Variants in SHROOM1 observed in about 807,000 individuals in gnomAD.
The protein encoded by SHROOM1 is shroom family member 1, also known as protein Shroom1.
Under a neutral mutation model 64.2 loss-of-function variants are expected in SHROOM1, and 53 were observed. The ratio of observed to expected loss-of-function variants is 0.83; its 90% CI spans 0.66 to 1.04. SHROOM1 has a LOEUF of 1.04. Ranked by LOEUF, SHROOM1 falls within the 50% of genes least tolerant of loss-of-function variation. The pLI, the probability that SHROOM1 is intolerant of heterozygous loss-of-function variation, is 0.00. For synonymous variants in SHROOM1, 490 were observed against 518.9 expected (o/e 0.94, Z 0.76); for missense variants, 1,179 against 1,163.2 (o/e 1.01, Z -0.20).
Position 132,823,026 on chromosome 5 carries a change from G to C in SHROOM1, c.2329C>G (p.Leu777Val), listed in dbSNP as rs769112067. 1.9e-6 allele frequency: 3 copies of C among 1,600,982 alleles called. No homozygotes were observed. Among genetic ancestry groups the C allele is most frequent in the Non-Finnish European group, 2.5e-6 (3 of 1,179,174 alleles). The stretch of plus-strand genomic sequence containing the variant: ...TCCTCCACCGGTAGTGCTCGCACCA[G>C]CACCTCCCGCACGGCCCGCTCGCGC... ...ARRERAVREV[L>V]VRALPVEELR... is the part of the protein sequence containing the mutation. The change falls in exon 10 of 10, where the codon CTG becomes GTG. Residue 777 changes from leucine to valine, a missense_variant. By Grantham distance (32) the Leu-to-Val change is conservative. Transcript: ENST00000378679. This position sits in a 1 kb window ranked among gnomAD's most constrained non-coding sequence, Gnocchi z 4.6.
chr5:132,829,957 C>A, intron 1 of SHROOM1: 1 of 985,484 alleles, frequency 1.0e-6, no homozygotes, highest in Non-Finnish European at 1.2e-6. Flanking sequence ...GAGCTCCGTG[C>A]CATGCACAGG....
At chr5:132,829,963 A>T (rs1758799875) in intron 1 of SHROOM1, 1 of 985,452 alleles carries the variant, frequency 1.0e-6, no homozygotes, top group Non-Finnish European at 1.2e-6. Context: ...CGTGCCATGC[A>T]CAGGAAATGC....
At position 132,824,252 on chromosome 5, in the gene SHROOM1, G is replaced by A. The variant is rs140682483; in HGVS notation, c.1409C>T (p.Thr470Ile). The A allele has an allele frequency of 1.9e-6, 3 of 1,614,014 alleles. No individual in the cohort carries two copies. The highest frequency in any genetic ancestry group is 2.5e-6 in the Non-Finnish European group (3 of 1,179,978). Residue 470 changes from threonine (T) to isoleucine (I), a missense_variant, in exon 7 of 10, where the codon ACC becomes ATC. Physicochemically the swap from Thr to Ile is moderately conservative, Grantham distance 89 (BLOSUM62 -1). Transcript: ENST00000378679. Reference protein sequence around the residue: ...SVGISRPTSHTPTGTANDNIP... With the variant: ...SVGISRPTSHIPTGTANDNIP... The stretch of plus-strand genomic sequence containing the variant: ...GTTATCATTTGCAGTCCCAGTGGGG[G>A]TGTGGCTTGTGGGCCTGGAAATACC...
Position 132,825,319 on chromosome 5 carries a change from T to A in SHROOM1, c.822A>T (p.Gly274=). 6.2e-7 allele frequency: 1 copy of A among 1,608,806 alleles called. No individual in the cohort carries two copies. Among genetic ancestry groups the A allele is most frequent in the Non-Finnish European group, 8.5e-7 (1 of 1,179,638 alleles). ...CTTGGGGTTGCGTCTCGGGCAGCCA[T>A]CCGACCTCGTGATCTTCAAACTTAG... The part of the protein sequence containing the change: ...ALAKFEDHEV[G]WLPETQPQGS... The change falls in exon 4 of 10, where the codon GGA becomes GGT. Residue 274 remains glycine (G), a synonymous_variant. Coordinates refer to ENST00000378679, the MANE Select transcript of SHROOM1 (RefSeq NM_001172700.2). This position sits in a 1 kb window ranked among gnomAD's most constrained non-coding sequence, Gnocchi z 5.1.
In SHROOM1 at chr5:132,826,401, G is replaced by A; in HGVS notation, c.-167C>T. 1 of 653,824 alleles carries A rather than the reference G, an allele frequency of 1.5e-6. No individual in the cohort carries two copies. The allele number at this position is 653,824 out of a possible 1,614,324, so 40.5% of individuals were successfully genotyped here. ...CCAGGGAGCACCTCTGAAGGTTGAG[G>A]GCCCAGCTCAGGGGAAGGAATTGGG... On this transcript the variant is annotated 5_prime_UTR_variant, in exon 3 of 10. Coordinates refer to ENST00000378679, the MANE Select transcript of SHROOM1 (RefSeq NM_001172700.2).
In SHROOM1 at chr5:132,824,776, T is replaced by C; in HGVS notation, c.1080A>G (p.Leu360=). The change falls in exon 6 of 10, where the codon TTA becomes TTG. Residue 360 remains leucine, a synonymous_variant. Coordinates refer to ENST00000378679, the MANE Select transcript of SHROOM1 (RefSeq NM_001172700.2). ...KEAAVMYPAE[L]PQSSPADSEQ... The stretch of plus-strand genomic sequence containing the variant: ...CACTGTCAGCAGGGCTGCTCTGGGG[T>C]AACTCTGCAGGATACATCACCGCAG... 6.2e-7 allele frequency: 1 copy of C among 1,614,022 alleles called. No homozygotes were observed. The highest frequency in any genetic ancestry group is 8.5e-7 in the Non-Finnish European group (1 of 1,180,022).
At position 132,824,428 on chromosome 5, in the gene SHROOM1, A is replaced by T; in HGVS notation, c.1242-9T>A. 4 of 1,526,226 alleles carry T rather than the reference A, an allele frequency of 2.6e-6. No individual in the cohort carries two copies. The highest frequency in any genetic ancestry group is 3.5e-6 in the Non-Finnish European group (4 of 1,139,242). The allele number at this position is 1,526,226 out of a possible 1,614,324, so 94.5% of individuals were successfully genotyped here. Reference sequence around the variant, plus strand: ...GGTCAGAGGCATGGACACTGGAAGCAGAAAAGACACTGAATCAGAAAAAGC... The same window carrying T: ...GGTCAGAGGCATGGACACTGGAAGCTGAAAAGACACTGAATCAGAAAAAGC... On this transcript the variant is annotated splice_polypyrimidine_tract_variant and intron_variant, in intron 6 of 9. Transcript: ENST00000378679.
intron 1 of SHROOM1, chr5:132,829,574 C>T (rs1450091925): frequency 1.0e-6 from 1 of 985,296 alleles, no homozygotes; most frequent in African/African-American, 1.7e-5. Context: ...GCCTCAAATA[C>T]AACGAATGAT....
rs745788685 is a variant in SHROOM1 at position 132,825,400 on chromosome 5, G to A, written c.741C>T (p.Cys247=). ...GPARECLGEA[C]SSSGLPGPEP... ...CGGGCCCAGGGAGGCCAGAGCTGGA[G>A]CAGGCCTCACCCAGGCATTCCCGCG... The change falls in exon 4 of 10, where the codon TGC becomes TGT. Residue 247 remains cysteine (C), a synonymous_variant. Coordinates refer to ENST00000378679, the MANE Select transcript of SHROOM1 (RefSeq NM_001172700.2). The surrounding 1 kb of genome is among the most constrained non-coding windows in gnomAD (Gnocchi z 5.1). 2 of 1,596,440 alleles carry A rather than the reference G, an allele frequency of 1.3e-6. No homozygotes were observed. The highest frequency in any genetic ancestry group is 1.7e-6 in the Non-Finnish European group (2 of 1,178,540).
Position 132,823,453 on chromosome 5 carries a change from C to G in SHROOM1, c.2023G>C (p.Glu675Gln). 1 of 1,612,356 alleles carries G rather than the reference C, an allele frequency of 6.2e-7. No individual in the cohort carries two copies. The highest frequency in any genetic ancestry group is 8.5e-7 in the Non-Finnish European group (1 of 1,179,792). ...TGGCGCCTGGCCCACGCTTGTGCCT[C>G]CCCCTGCAGCCGCTCCTGCTCCGTG... ...LHTEQERLQG[E>Q]AQAWARRQAA... The change falls in exon 9 of 10, where the codon GAG (glutamate) becomes CAG (glutamine). Residue 675 changes from glutamate (E) to glutamine (Q), a missense_variant. By Grantham distance (29) the Glu-to-Gln change is conservative. Transcript: ENST00000378679. The surrounding 1 kb of genome is among the most constrained non-coding windows in gnomAD (Gnocchi z 4.6).
intron 1 of SHROOM1, among the ~76,000 whole-genome samples, chr5:132,827,863 C>T (rs1490239511): frequency 1.3e-5 from 2 of 152,144 alleles, no homozygotes; most frequent in Non-Finnish European, 2.9e-5. Context: ...ACGAACAGAG[C>T]AGGCAAGCAC....
chr5:132,825,305 G>A lies in SHROOM1; in HGVS notation c.836C>T (p.Thr279Met), dbSNP rs559805393. The A allele has an allele frequency of 1.4e-5, 23 of 1,611,496 alleles. No homozygotes were observed. The highest frequency in any genetic ancestry group is 3.3e-5 in the Admixed American group (2 of 59,938). Reference protein sequence around the residue: ...EDHEVGWLPETQPQGSMNLDS... With the variant: ...EDHEVGWLPEMQPQGSMNLDS... ...CAGGTTCATGGAGCCTTGGGGTTGC[G>A]TCTCGGGCAGCCATCCGACCTCGTG... is the stretch of plus-strand genomic sequence containing the variant. The change falls in exon 4 of 10, where the codon ACG becomes ATG. Residue 279 changes from threonine to methionine, a missense_variant. Transcript: ENST00000378679. This position sits in a 1 kb window ranked among gnomAD's most constrained non-coding sequence, Gnocchi z 5.1.
In SHROOM1 at chr5:132,825,653, A is replaced by C; in HGVS notation, c.488T>G (p.Leu163Arg). 1 of 1,352,938 alleles carries C rather than the reference A, an allele frequency of 7.4e-7. No individual in the cohort carries two copies. The highest frequency in any genetic ancestry group is 1.9e-5 in the South Asian group (1 of 52,274). The allele number at this position is 1,352,938 out of a possible 1,614,324, so 83.8% of individuals were successfully genotyped here. A position where few individuals can be genotyped will look rare whatever the true frequency, so the allele number is the denominator to read the frequency against. The change falls in exon 4 of 10, where the codon CTC (leucine) becomes CGC (arginine). Residue 163 changes from leucine (L) to arginine (R), a missense_variant. By Grantham distance (102) the Leu-to-Arg change is moderately radical (BLOSUM62 -2). Transcript: ENST00000378679. The surrounding 1 kb of genome is among the most constrained non-coding windows in gnomAD (Gnocchi z 5.1). ...LRETSFQRKE[L>R]RMSLPARLRP... ...CAGACGGGCGGGCAGGCTCATGCGG[A>C]GCTCCTTGCGCTGGAACGACGTCTC...
chr5:132,829,371 C>A (rs921612266), intron 1 of SHROOM1, among the ~76,000 whole-genome samples: 2 of 152,122 alleles, frequency 1.3e-5, no homozygotes, highest in African/African-American at 4.8e-5. Flanking sequence ...TTCATGGTGT[C>A]TGTGACAAGT....
Position 132,830,482 on chromosome 5 carries a change from G to T in SHROOM1, c.-501+112C>A. 1.0e-6 allele frequency: 1 copy of T among 985,028 alleles called. No individual in the cohort carries two copies. The highest frequency in any genetic ancestry group is 1.2e-6 in the Non-Finnish European group (1 of 829,802). 61.0% of individuals were successfully genotyped at this position (985,028 alleles called of 1,614,324 possible). A position where few individuals can be genotyped will look rare whatever the true frequency, so the allele number is the denominator to read the frequency against. ...CCGAACGATGCCCGGGCTGCCCCGC[G>T]ACCACCGCCTCGCCGCCCGCTCTTC... is the stretch of plus-strand genomic sequence containing the variant. On this transcript the variant is annotated intron_variant, in intron 1 of 9. Coordinates refer to ENST00000378679, the MANE Select transcript of SHROOM1 (RefSeq NM_001172700.2). This position sits in a 1 kb window ranked among gnomAD's most constrained non-coding sequence, Gnocchi z 5.9.
chr5:132,830,458 C>T lies in SHROOM1; in HGVS notation c.-501+136G>A, dbSNP rs1243900243. On this transcript the variant is annotated intron_variant, in intron 1 of 9. Coordinates refer to ENST00000378679, the MANE Select transcript of SHROOM1 (RefSeq NM_001172700.2). This position sits in a 1 kb window ranked among gnomAD's most constrained non-coding sequence, Gnocchi z 5.9. ...GGCGCCGAGCCAGACACGTCCCGGC[C>T]GAACGATGCCCGGGCTGCCCCGCGA... 1.0e-6 allele frequency: 1 copy of T among 984,950 alleles called. No individual in the cohort carries two copies. Among genetic ancestry groups the T allele is most frequent in the Non-Finnish European group, 1.2e-6 (1 of 829,858 alleles). The allele number at this position is 984,950 out of a possible 1,614,324, so 61.0% of individuals were successfully genotyped here.
rs1758702101 is a variant in SHROOM1 at position 132,826,322 on chromosome 5, G to C, written c.-88C>G. 1 of 1,233,572 alleles carries C rather than the reference G, an allele frequency of 8.1e-7. No homozygotes were observed. Among genetic ancestry groups the C allele is most frequent in the South Asian group, 3.9e-5 (1 of 25,788 alleles). 76.4% of individuals were successfully genotyped at this position (1,233,572 alleles called of 1,614,324 possible). On this transcript the variant is annotated 5_prime_UTR_variant, in exon 3 of 10. It adds an upstream start codon to the 5' untranslated region. Transcript: ENST00000378679. The stretch of plus-strand genomic sequence containing the variant: ...CCGTCACAAGCGCTGGCATCCCCCA[G>C]ATTTTGGCAGAGTCACCTTGGGATC...
chr5:132,827,645 A>AAAACAAAACC (rs996973787), intron 1 of SHROOM1, 38 bp from the exon 2 acceptor site: 36 of 150,050 alleles, frequency 2.4e-4, no homozygotes, highest in African/African-American at 8.0e-4. Context: ...AAAACAAAAC[A>AAAACAAAACC]AAACCCCAAA....
rs1296046905 is a variant in SHROOM1 at position 132,824,259 on chromosome 5, T to C, written c.1402A>G (p.Ser468Gly). 2.5e-6 allele frequency: 4 copies of C among 1,613,928 alleles called. No individual in the cohort carries two copies. In the East Asian group the frequency reaches 6.7e-5, roughly 27 times the overall value. Residue 468 changes from serine to glycine, a missense_variant, in exon 7 of 10, where the codon AGC (serine) becomes GGC (glycine). Transcript: ENST00000378679. ...TTTGCAGTCCCAGTGGGGGTGTGGC[T>C]TGTGGGCCTGGAAATACCTACAGAA... ...NGSVGISRPT[S>G]HTPTGTANDN...
Sources: allele counts gnomAD v4.1 joint callset (sites outside exome capture counted in the v4.1 genomes callset), GRCh38; gene constraint gnomAD v4.1.1; non-coding constraint Gnocchi (gnomAD v3.1); transcripts MANE v1.5; gene names NCBI Gene and HGNC (gene_info 2026-07-23, HGNC 2026-07-21).